HIF3A: variants seen among roughly 807,000 people sequenced by gnomAD.
HIF3A encodes the protein hypoxia inducible factor 3 subunit alpha, also known as hypoxia-inducible factor 3-alpha.
In HIF3A, 41 loss-of-function variants were observed where a neutral mutation model predicts 67.2. That is an observed-to-expected ratio of 0.61 (90% CI 0.48 to 0.79). HIF3A has a LOEUF of 0.79. Ranked by LOEUF, HIF3A falls within the 30% of genes least tolerant of loss-of-function variation. The pLI is 0.00. For synonymous variants in HIF3A, 356 were observed against 374.8 expected, an observed-to-expected ratio of 0.95 and a Z score of 0.58; for missense variants, 855 against 898.0, an observed-to-expected ratio of 0.95 and a Z score of 0.61.
At chr19:46,308,596 G>T (rs1969120763) in intron 4 of HIF3A, 67 bp from the exon 5 acceptor site, 1 of 934,348 alleles carries the variant, frequency 1.1e-6, no homozygotes, top group Non-Finnish European at 1.6e-6. Context: ...AGCAGCCAGG[G>T]TGCCGGAGGG....
chr19:46,302,564 G>A (rs950980064), intron 1 of HIF3A, among the ~76,000 whole-genome samples: 1 of 152,090 alleles, frequency 6.6e-6, no homozygotes, highest in Non-Finnish European at 1.5e-5. Context: ...AATTATAGCC[G>A]CTTCCGGCTA....
intron 8 of HIF3A, among the ~76,000 whole-genome samples, chr19:46,316,493 T>C (rs1015877958): frequency 6.6e-6 from 1 of 152,114 alleles, no homozygotes; most frequent in Admixed American, 6.6e-5. Context: ...GACAACATTA[T>C]GAGGCAGAGT....
At chr19:46,299,689 A>G (rs1032085751) in intron 1 of HIF3A, among the ~76,000 whole-genome samples, 4 of 147,082 alleles carry the variant, frequency 2.7e-5, no homozygotes, top group Non-Finnish European at 4.5e-5. Context: ...CAGCCTGGAC[A>G]ACACAGCCGG....
intron 8 of HIF3A, among the ~76,000 whole-genome samples, chr19:46,319,786 C>G (rs191081623): frequency 6.6e-6 from 1 of 152,094 alleles, no homozygotes; most frequent in Non-Finnish European, 1.5e-5. Flanking sequence ...CCTAGGTCTC[C>G]TCCCGCTTCT....
At chr19:46,304,616 A>G (rs1270120104) in intron 2 of HIF3A, among the ~76,000 whole-genome samples, 1 of 151,864 alleles carries the variant, frequency 6.6e-6, no homozygotes, top group East Asian at 1.9e-4. Flanking sequence ...GGGCTTTGCC[A>G]CGCACGTGCA....
intron 11 of HIF3A, among the ~76,000 whole-genome samples, chr19:46,327,327 T>C (rs186716914): frequency 3.2e-4 from 48 of 151,174 alleles, no homozygotes; most frequent in East Asian, 1.4e-3. Flanking sequence ...TTTCTTTTTT[T>C]TTTTTTGAAA....
At chr19:46,299,103 C>T (rs1271851403) in intron 1 of HIF3A, among the ~76,000 whole-genome samples, 1 of 152,234 alleles carries the variant, frequency 6.6e-6, no homozygotes, top group Non-Finnish European at 1.5e-5. Flanking sequence ...AGGCCCTGGC[C>T]CCACCCCCTG....
At chr19:46,335,247 C>CATTTATTTATTT (rs374748726) in intron 14 of HIF3A, among the ~76,000 whole-genome samples, 4,082 of 146,248 alleles carry the variant, frequency 0.028, 101 homozygotes, top group African/African-American at 0.056. Flanking sequence ...CCTATGATCA[C>CATTTATTTATTT]ATTTATTTAT....
chr19:46,303,786 C>T (rs1968549036), intron 1 of HIF3A, 112 bp from the exon 2 acceptor site: 5 of 1,489,110 alleles, frequency 3.4e-6, no homozygotes, highest in Non-Finnish European at 4.6e-6. Flanking sequence ...TGCGCAGCCG[C>T]GGCCCAGCAC....
rs911987669 is a variant in HIF3A, at chr19:46,329,067, T to C, written c.1441-140T>C. 10 of 751,538 alleles carry C rather than the reference T, an allele frequency of 1.3e-5. No individual in the cohort carries two copies. The South Asian group carries it at 1.7e-4, about 13-fold the overall frequency. The allele number at this position is 751,538 out of a possible 1,614,324, so 46.6% of individuals were successfully genotyped here. Reference sequence around the variant, plus strand: ...TAACATGTTCTTCAGGGAGTCCTTATACCCATTTTACAGATGAGGAAACTG... The same window carrying C: ...TAACATGTTCTTCAGGGAGTCCTTACACCCATTTTACAGATGAGGAAACTG... On this transcript the variant is annotated intron_variant, in intron 11 of 14. Coordinates refer to ENST00000377670, the MANE Select transcript of HIF3A (RefSeq NM_152795.4).
At chr19:46,321,988 A>T (rs1256877328) in intron 10 of HIF3A, 22 bp downstream of exon 10, 1 of 1,611,256 alleles carries the variant, frequency 6.2e-7, no homozygotes. Flanking sequence ...CACCCATGTG[A>T]GCCCTCAGCA....
At chr19:46,330,967 G>C (rs1485683277) in intron 12 of HIF3A, among the ~76,000 whole-genome samples, 189 bp from the exon 13 acceptor site, 2 of 152,018 alleles carry the variant, frequency 1.3e-5, no homozygotes, top group Admixed American at 6.6e-5. Flanking sequence ...GAGGTTGGGT[G>C]GGTGGGTGAT....
Position 46,308,667 on chromosome 19 carries a change from G to C in HIF3A, c.453G>C (p.Leu151=), listed in dbSNP as rs1330749096. Residue 151 remains leucine (L), a synonymous_variant, in exon 5 of 15, where the codon CTG becomes CTC. Coordinates refer to ENST00000377670, the MANE Select transcript of HIF3A (RefSeq NM_152795.4). ...GCTGCCCCCGGGCCTCCCCAGCCCT[G>C]TCCAGGAGGAAGGTGGAGGCCCCCA... The part of the protein sequence containing the change: ...LQDALTPQQT[L]SRRKVEAPTE... 6.2e-7 allele frequency: 1 copy of C among 1,601,848 alleles called. No individual in the cohort carries two copies. The highest frequency in any genetic ancestry group is 1.7e-5 in the Admixed American group (1 of 58,732).
chr19:46,333,910 A>G (rs1241683581), intron 13 of HIF3A, among the ~76,000 whole-genome samples: 1 of 137,146 alleles, frequency 7.3e-6, no homozygotes. Flanking sequence ...CTCCTGCCTC[A>G]GCCTCCCAAG....
At chr19:46,301,721 G>C (rs1968349946) in intron 1 of HIF3A, among the ~76,000 whole-genome samples, 1 of 151,732 alleles carries the variant, frequency 6.6e-6, no homozygotes, top group Non-Finnish European at 1.5e-5. Flanking sequence ...AGCTACTCGG[G>C]AGGCTGAGGC....
chr19:46,311,260 A>C (rs1426809135), intron 6 of HIF3A, among the ~76,000 whole-genome samples: 2 of 152,144 alleles, frequency 1.3e-5, no homozygotes, highest in Non-Finnish European at 2.9e-5. Context: ...GGCTCCAAAC[A>C]ACACAAACTC....
chr19:46,308,938 G>A (rs976693339), intron 5 of HIF3A, among the ~76,000 whole-genome samples, 163 bp downstream of exon 5: 1 of 152,078 alleles, frequency 6.6e-6, no homozygotes, highest in Admixed American at 6.5e-5. Flanking sequence ...GAGCATGGGT[G>A]TCTGTGGAGT....
chr19:46,311,837 C>T (rs932680198), intron 6 of HIF3A, among the ~76,000 whole-genome samples: 90 of 152,098 alleles, frequency 5.9e-4, no homozygotes, highest in African/African-American at 2.2e-3. Flanking sequence ...CTCTAGTCTG[C>T]GTGACAGAGC....
At chr19:46,311,791 G>A (rs1217470363) in intron 6 of HIF3A, among the ~76,000 whole-genome samples, 1 of 152,140 alleles carries the variant, frequency 6.6e-6, no homozygotes, top group African/African-American at 2.4e-5. Flanking sequence ...AGCCTGGGAG[G>A]TCAAGTCTGT....
Sources: gnomAD v4.1 joint callset for allele counts (sites outside exome capture counted in the v4.1 genomes callset) on GRCh38, gnomAD v4.1.1 for gene constraint, MANE v1.5 for transcripts, NCBI Gene and HGNC (gene_info 2026-07-23, HGNC 2026-07-21) for gene names.